Variants in CRKL observed in about 807,000 individuals in gnomAD.
CRKL encodes the protein crk-like protein.
A neutral mutation model predicts 23.0 loss-of-function variants in CRKL; 3 were observed. That is an observed-to-expected ratio of 0.13 (90% CI 0.06 to 0.34). The LOEUF is 0.34. CRKL is among the 10% of genes least tolerant of loss of function. The pLI is 1.00. For missense variants in CRKL, 256 were observed against 394.5 expected (o/e 0.65, Z 2.97); for synonymous variants, 188 against 160.7 (o/e 1.17, Z -1.28).
intron 1 of CRKL, 43 bp downstream of exon 1, chr22:20,918,288 CG>C: frequency 6.3e-7 from 1 of 1,595,428 alleles, no homozygotes; most frequent in East Asian, 2.3e-5. Context: ...GGTCGAGAAC[CG>C]GGTCTGTCGA....
intron 1 of CRKL, among the ~76,000 whole-genome samples, chr22:20,925,186 C>CAAAA (rs11451684): frequency 9.9e-5 from 10 of 100,930 alleles, no homozygotes; most frequent in Non-Finnish European, 9.3e-5. Context: ...GACTCCGTCT[C>CAAAA]AAAAAAAAAA....
At chr22:20,919,594 CA>C (rs1162658577) in intron 1 of CRKL, among the ~76,000 whole-genome samples, 2 of 152,156 alleles carry the variant, frequency 1.3e-5, no homozygotes, top group African/African-American at 2.4e-5. Flanking sequence ...CTGATTTTAT[CA>C]GAGGTTTCTT....
chr22:20,947,676 A>ATTT lies in CRKL; in HGVS notation c.778-2016_778-2014dup, dbSNP rs59126952. ...TTTTCTTTTCTTTTTTCTTTTTTTC[A>ATTT]TTTTTTTTTTTTTTTTTTTTTGAGA... On this transcript the variant is annotated intron_variant, in intron 2 of 2. Transcript: ENST00000354336. 3.7e-3 allele frequency among the ~76,000 whole-genome samples: 338 copies of ATTT among 90,528 alleles called. 10 individuals carry two copies. The highest frequency in any genetic ancestry group is 0.013 in the East Asian group (39 of 2,920). 59.4% of individuals were successfully genotyped at this position (90,528 alleles called of 152,430 possible). A position where few individuals can be genotyped will look rare whatever the true frequency, so the allele number is the denominator to read the frequency against.
At chr22:20,919,926 A>G (rs542136637) in intron 1 of CRKL, among the ~76,000 whole-genome samples, 1 of 152,344 alleles carries the variant, frequency 6.6e-6, no homozygotes, top group Admixed American at 6.5e-5. Context: ...AAGTGATTAT[A>G]AATCAAATAC....
At chr22:20,940,215 G>C (rs1409785555) in intron 2 of CRKL, among the ~76,000 whole-genome samples, 2 of 151,896 alleles carry the variant, frequency 1.3e-5, no homozygotes, top group Non-Finnish European at 2.9e-5. Flanking sequence ...AGCCTCTCCA[G>C]ATCTGCCTCT....
chr22:20,949,706 T>C lies in CRKL; in HGVS notation c.778-5T>C, dbSNP rs1463259479. ...ATGCTAACTTTGTCTTCTTCATCCA[T>C]ACAGGTTGGTGACATCGTGAAAGTC... On this transcript the variant is annotated splice_polypyrimidine_tract_variant and splice_region_variant and intron_variant, in intron 2 of 2. Coordinates refer to ENST00000354336, the MANE Select transcript of CRKL (RefSeq NM_005207.4). 1.9e-6 allele frequency: 3 copies of C among 1,610,670 alleles called. No individual in the cohort carries two copies. The highest frequency in any genetic ancestry group is 2.2e-5 in the East Asian group (1 of 44,814).
Position 20,951,245 on chromosome 22 carries a change from C to T in CRKL, c.*1400C>T, listed in dbSNP as rs149555262. The T allele has an allele frequency of 1.9e-4, 45 of 232,660 alleles. No homozygotes were observed. In the East Asian group the frequency reaches 2.7e-3, roughly 14 times the overall value. The allele number at this position is 232,660 out of a possible 1,614,324, so 14.4% of individuals were successfully genotyped here. ...GCTGCCAGAGAAAGTTGGTGCTGCT[C>T]ATACTGGTCTCACAGTCTAAGTAAG... On this transcript the variant is annotated 3_prime_UTR_variant, in exon 3 of 3. Transcript: ENST00000354336.
chr22:20,918,013 C>T lies in CRKL; in HGVS notation c.79C>T (p.Arg27Trp), dbSNP rs2147891450. 1.2e-6 allele frequency: 2 copies of T among 1,614,202 alleles called. No individual in the cohort carries two copies. The highest frequency in any genetic ancestry group is 1.1e-5 in the South Asian group (1 of 91,088). ...GPVSRQEAQT[R>W]LQGQRHGMFL... ...GGTGTCTCGCCAGGAGGCGCAGACC[C>T]GGCTCCAGGGCCAGCGCCACGGTAT... The change falls in exon 1 of 3, where the codon CGG becomes TGG. Residue 27 changes from arginine to tryptophan, a missense_variant. Arg to Trp is a moderately radical substitution (Grantham distance 101). This residue lies in a region of CRKL where 85 missense variants were observed against 139.8 expected (regional missense o/e 0.61). Transcript: ENST00000354336.
At chr22:20,948,615 G>C (rs1922155872) in intron 2 of CRKL, among the ~76,000 whole-genome samples, 1 of 152,136 alleles carries the variant, frequency 6.6e-6, no homozygotes, top group African/African-American at 2.4e-5. Flanking sequence ...TTGGTGTCCT[G>C]CATGCTCCAA....
In CRKL at chr22:20,951,334, C is replaced by G. The variant is rs1922267788; in HGVS notation, c.*1489C>G. ...GGAAATTCGTTAATGTATTTGATGT[C>G]TTAGTGTTTTAGTGACTAGGGAGAC... On this transcript the variant is annotated 3_prime_UTR_variant, in exon 3 of 3. Transcript: ENST00000354336. 1 of 231,782 alleles carries G rather than the reference C, an allele frequency of 4.3e-6. No individual in the cohort carries two copies. Among genetic ancestry groups the G allele is most frequent in the Non-Finnish European group, 8.5e-6 (1 of 117,274 alleles). The allele number at this position is 231,782 out of a possible 1,614,324, so 14.4% of individuals were successfully genotyped here. A position where few individuals can be genotyped will look rare whatever the true frequency, so the allele number is the denominator to read the frequency against.
chr22:20,932,091 A>G (rs911765767), intron 1 of CRKL, among the ~76,000 whole-genome samples: 13 of 151,340 alleles, frequency 8.6e-5, no homozygotes, highest in Non-Finnish European at 1.5e-4. Context: ...GATTACAGGC[A>G]TGAGCCACTG....
chr22:20,932,244 G>A (rs1921482606), intron 1 of CRKL, among the ~76,000 whole-genome samples: 1 of 152,102 alleles, frequency 6.6e-6, no homozygotes, highest in Non-Finnish European at 1.5e-5. Flanking sequence ...GAGTATCTGG[G>A]ACCGCAGGTG....
intron 2 of CRKL, among the ~76,000 whole-genome samples, chr22:20,945,163 T>C (rs2147914691): frequency 6.6e-6 from 1 of 151,974 alleles, no homozygotes; most frequent in East Asian, 1.9e-4. Flanking sequence ...CCGGCTAATT[T>C]TTTGTATTTT....
chr22:20,945,338 C>T (rs1042666216), intron 2 of CRKL, among the ~76,000 whole-genome samples: 3 of 152,146 alleles, frequency 2.0e-5, no homozygotes, highest in Non-Finnish European at 2.9e-5. Context: ...TAAGACGCAA[C>T]TGATATCTAT....
At chr22:20,942,806 A>T (rs1370490884) in intron 2 of CRKL, among the ~76,000 whole-genome samples, 1 of 152,094 alleles carries the variant, frequency 6.6e-6, no homozygotes, top group African/African-American at 2.4e-5. Context: ...ATTTTTTAGT[A>T]GAGACAGGGT....
chr22:20,939,386 A>C (rs910471121), intron 2 of CRKL, among the ~76,000 whole-genome samples: 361 of 146,536 alleles, frequency 2.5e-3, no homozygotes, highest in African/African-American at 8.7e-3. Flanking sequence ...GACTACAGGC[A>C]CCTGCCACCA....
rs1247116681 is a variant in CRKL at position 20,941,588 on chromosome 22, A to ATATTTTTTTTT, written c.777+7345_777+7346insATTTTTTTTTT. On this transcript the variant is annotated intron_variant, in intron 2 of 2. Transcript: ENST00000354336. ...TGTGTGTGTGTGTGTGTATATATAT[A>ATATTTTTTTTT]TTTTTTTTTTTTTTTTTTTTTTTTG... Among the ~76,000 whole-genome samples the ATATTTTTTTTT allele has an allele frequency of 4.2e-4, 14 of 33,538 alleles. 2 individuals carry two copies. Among genetic ancestry groups the ATATTTTTTTTT allele is most frequent in the Non-Finnish European group, 6.1e-4 (12 of 19,820 alleles). 22.0% of individuals were successfully genotyped at this position (33,538 alleles called of 152,430 possible).
rs1921268216 is a variant in CRKL at position 20,927,527 on chromosome 22, T to TG, written c.312-6252_312-6251insG. Reference sequence around the variant, plus strand: ...AAGTTTTCTACCTTTTTTTTTTTTTTTTTAACTGTGAAATATTTCATACAT... The same window carrying TG: ...AAGTTTTCTACCTTTTTTTTTTTTTTGTTTAACTGTGAAATATTTCATACAT... On this transcript the variant is annotated intron_variant, in intron 1 of 2. Coordinates refer to ENST00000354336, the MANE Select transcript of CRKL (RefSeq NM_005207.4). Among the ~76,000 whole-genome samples the TG allele has an allele frequency of 4.0e-5, 6 of 150,938 alleles. 1 individual carries two copies. The South Asian group carries it at 1.3e-3, about 32-fold the overall frequency.
At chr22:20,932,719 T>C (rs1262247614) in intron 1 of CRKL, among the ~76,000 whole-genome samples, 1 of 152,182 alleles carries the variant, frequency 6.6e-6, no homozygotes, top group African/African-American at 2.4e-5. Context: ...ATAGTAACTT[T>C]TGGGACAGTA....
Sources: gnomAD v4.1 joint callset for allele counts (sites outside exome capture counted in the v4.1 genomes callset) on GRCh38, gnomAD v4.1.1 for gene constraint, gnomAD v4.1.1 regional missense constraint, MANE v1.5 for transcripts, NCBI Gene and HGNC (gene_info 2026-07-23, HGNC 2026-07-21) for gene names.